The following EPHA3 variants were observed in gnomAD, a reference collection of about 807,000 sequenced individuals.
The protein encoded by EPHA3 is EPH receptor A3, also known as ephrin type-A receptor 3.
In EPHA3, 42 loss-of-function variants were observed where a neutral mutation model predicts 107.1. The ratio of observed to expected loss-of-function variants is 0.39; its 90% CI spans 0.31 to 0.51. The LOEUF (loss-of-function observed/expected upper bound fraction) is 0.51. Ranked by LOEUF, EPHA3 falls within the 20% of genes least tolerant of loss-of-function variation. The pLI is 0.78. For missense variants in EPHA3, 1,183 were observed against 1,211.2 expected (o/e 0.98, Z 0.35); for synonymous variants, 461 against 424.8 (o/e 1.09, Z -1.05).
chr3:89,397,560 A>AAT (rs1708875034), intron 6 of EPHA3, among the ~76,000 whole-genome samples: 2 of 151,908 alleles, frequency 1.3e-5, no homozygotes, highest in Non-Finnish European at 2.9e-5. Flanking sequence ...TCCCTCAACA[A>AAT]ATGCAACAAG....
At chr3:89,320,655 T>A (rs927734972) in intron 3 of EPHA3, among the ~76,000 whole-genome samples, 1 of 152,036 alleles carries the variant, frequency 6.6e-6, no homozygotes, top group Non-Finnish European at 1.5e-5. Context: ...TGTTTACACT[T>A]AATTATATGC....
chr3:89,293,910 C>T (rs1706280100), intron 3 of EPHA3, among the ~76,000 whole-genome samples: 2 of 152,170 alleles, frequency 1.3e-5, no homozygotes, highest in African/African-American at 4.8e-5. Context: ...AAAGCAATCA[C>T]AAAAATATAT....
intron 3 of EPHA3, among the ~76,000 whole-genome samples, chr3:89,319,390 G>C (rs1007941295): frequency 6.6e-6 from 1 of 151,948 alleles, no homozygotes; most frequent in African/African-American, 2.4e-5. Flanking sequence ...GTATTAGGCA[G>C]TATTAGGATA....
Position 89,107,726 on chromosome 3 carries a change from T to C in EPHA3, c.-23T>C. On this transcript the variant is annotated 5_prime_UTR_variant, in exon 1 of 17. Transcript: ENST00000336596. ...CATGCTTCATGGAGATATGCTCCTC[T>C]CACTGCCCTCTGCACCAGCAACATG... The C allele has an allele frequency of 6.2e-7, 1 of 1,608,002 alleles. No individual in the cohort carries two copies. Among genetic ancestry groups the C allele is most frequent in the Non-Finnish European group, 8.5e-7 (1 of 1,174,482 alleles).
intron 3 of EPHA3, among the ~76,000 whole-genome samples, chr3:89,274,017 G>A (rs1705744716): frequency 6.6e-6 from 1 of 151,900 alleles, no homozygotes; most frequent in Non-Finnish European, 1.5e-5. Context: ...AAGGCAGAGA[G>A]TTGCCTTATT....
intron 16 of EPHA3, among the ~76,000 whole-genome samples, chr3:89,477,333 G>T (rs991620857): frequency 2.6e-5 from 4 of 152,100 alleles, no homozygotes; most frequent in African/African-American, 9.7e-5. Context: ...CTCCAGAGAG[G>T]ATTTATCAGC....
intron 5 of EPHA3, among the ~76,000 whole-genome samples, chr3:89,349,130 G>A: frequency 3.3e-5 from 1 of 30,150 alleles, no homozygotes; most frequent in East Asian, 7.1e-4. Flanking sequence ...TGTCTATTAG[G>A]TCTGCTTGGT....
At chr3:89,150,456 A>G (rs926888425) in intron 2 of EPHA3, among the ~76,000 whole-genome samples, 22 of 152,076 alleles carry the variant, frequency 1.4e-4, no homozygotes, top group African/African-American at 5.1e-4. Flanking sequence ...AGGCTAAAAC[A>G]GATATCAATA....
At chr3:89,329,465 A>T (rs1379313631) in intron 3 of EPHA3, among the ~76,000 whole-genome samples, 2 of 152,094 alleles carry the variant, frequency 1.3e-5, no homozygotes, top group East Asian at 3.9e-4. Flanking sequence ...ATATTTGCCA[A>T]CTATAAGCAA....
intron 2 of EPHA3, among the ~76,000 whole-genome samples, chr3:89,145,798 C>G (rs1455762953): frequency 6.6e-6 from 1 of 151,590 alleles, no homozygotes; most frequent in Non-Finnish European, 1.5e-5. Flanking sequence ...ATCGATTTCT[C>G]ACTCTCCATT....
At chr3:89,208,124 A>C (rs1706151961) in intron 2 of EPHA3, among the ~76,000 whole-genome samples, 1 of 152,128 alleles carries the variant, frequency 6.6e-6, no homozygotes, top group Non-Finnish European at 1.5e-5. Flanking sequence ...CTATAATCCC[A>C]GCACTTTGGG....
At chr3:89,268,714 C>G (rs1705593630) in intron 3 of EPHA3, among the ~76,000 whole-genome samples, 1 of 151,996 alleles carries the variant, frequency 6.6e-6, no homozygotes, top group African/African-American at 2.4e-5. Flanking sequence ...TTGTCTATAG[C>G]ACTTTAGCTA....
intron 2 of EPHA3, among the ~76,000 whole-genome samples, chr3:89,167,004 G>T (rs1210926434): frequency 4.6e-5 from 7 of 152,252 alleles, no homozygotes; most frequent in Admixed American, 1.3e-4. Context: ...TGTCTGAGGT[G>T]AAATGGAGCA....
At position 89,451,680 on chromosome 3, in the gene EPHA3, C is replaced by T. The variant is rs1709993145; in HGVS notation, c.2690+1310C>T. ...AATGGAGTTTTATCAGTAACGATGACTTGTGGGTCATTCTGCCTTCTTTGC... is the reference window on the plus strand; with the variant it reads ...AATGGAGTTTTATCAGTAACGATGATTTGTGGGTCATTCTGCCTTCTTTGC... On this transcript the variant is annotated intron_variant, in intron 15 of 16. Coordinates refer to ENST00000336596, the MANE Select transcript of EPHA3 (RefSeq NM_005233.6). Among the ~76,000 whole-genome samples, 3 of 152,084 alleles carry T rather than the reference C, an allele frequency of 2.0e-5. No homozygotes were observed. In the South Asian group the frequency reaches 6.2e-4, roughly 31 times the overall value.
chr3:89,368,133 C>A lies in EPHA3; in HGVS notation c.1306+26043C>A, dbSNP rs145479925. 3.6e-4 allele frequency among the ~76,000 whole-genome samples: 54 copies of A among 150,220 alleles called. 1 individual carries two copies. Among genetic ancestry groups the A allele is most frequent in the African/African-American group, 1.2e-3 (50 of 41,310 alleles). Reference sequence around the variant, plus strand: ...CAGAAGATTTCAGTCCTAGTGGTTTCATATAATTAGATCAGAATACTAAAG... The same window carrying A: ...CAGAAGATTTCAGTCCTAGTGGTTTAATATAATTAGATCAGAATACTAAAG... On this transcript the variant is annotated intron_variant, in intron 5 of 16. Transcript: ENST00000336596.
intron 15 of EPHA3, among the ~76,000 whole-genome samples, chr3:89,470,228 A>G (rs1004995463): frequency 6.6e-6 from 1 of 152,104 alleles, no homozygotes; most frequent in Non-Finnish European, 1.5e-5. Context: ...AATAATGGCT[A>G]CTTTTCAGGG....
At chr3:89,377,794 C>G (rs1329672919) in intron 5 of EPHA3, among the ~76,000 whole-genome samples, 1 of 151,922 alleles carries the variant, frequency 6.6e-6, no homozygotes, top group Non-Finnish European at 1.5e-5. Flanking sequence ...ACAGACCAGG[C>G]CAGCAACACT....
chr3:89,439,330 T>C (rs1193218380), intron 13 of EPHA3, among the ~76,000 whole-genome samples: 1 of 152,166 alleles, frequency 6.6e-6, no homozygotes, highest in Non-Finnish European at 1.5e-5. Context: ...TGGTGATGCA[T>C]GCCTTTAGTC....
intron 5 of EPHA3, among the ~76,000 whole-genome samples, chr3:89,354,622 G>A (rs934117296): frequency 1.3e-5 from 2 of 151,154 alleles, no homozygotes; most frequent in Non-Finnish European, 3.0e-5. Flanking sequence ...TCGCACCAAA[G>A]TAAAAGAATG....
Sources: gnomAD v4.1 joint callset for allele counts (sites outside exome capture counted in the v4.1 genomes callset) on GRCh38, gnomAD v4.1.1 for gene constraint, MANE v1.5 for transcripts, NCBI Gene and HGNC (gene_info 2026-07-23, HGNC 2026-07-21) for gene names.